TRERF1: variants seen among roughly 807,000 people sequenced by gnomAD.
The protein encoded by TRERF1 is transcriptional-regulating factor 1.
TRERF1 carries 27 observed loss-of-function variants against 122.9 expected under a neutral mutation model. That is an observed-to-expected ratio of 0.22 (90% CI 0.16 to 0.30). The LOEUF (loss-of-function observed/expected upper bound fraction) is 0.30, where lower values mean the gene tolerates loss of function less well. TRERF1 is among the 10% of genes least tolerant of loss of function. The pLI, the probability that TRERF1 is intolerant of heterozygous loss-of-function variation, is 1.00. For missense variants in TRERF1, 1,248 were observed against 1,560.3 expected, an observed-to-expected ratio of 0.80 and a Z score of 3.37; for synonymous variants, 636 against 641.7, an observed-to-expected ratio of 0.99 and a Z score of 0.13.
At chr6:42,254,405 C>T (rs1170364689) in intron 13 of TRERF1, among the ~76,000 whole-genome samples, 1 of 152,178 alleles carries the variant, frequency 6.6e-6, no homozygotes, top group Non-Finnish European at 1.5e-5. Flanking sequence ...CATATACCAT[C>T]TCTAATCTCA....
At chr6:42,243,153 G>C in intron 15 of TRERF1, 95 bp downstream of exon 15, 5 of 1,020,356 alleles carry the variant, frequency 4.9e-6, no homozygotes, top group Non-Finnish European at 7.6e-6. Context: ...TGGCTATCTT[G>C]GCAGCAAAGC....
rs760088251 is a variant in TRERF1 at position 42,263,573 on chromosome 6, A to G, written c.1636-5T>C. ...CAGGACCTTCTCTCCTTCCTCCTAC[A>G]CAGACAATAAAGGCTTTGATCCTGG... On this transcript the variant is annotated splice_region_variant and splice_polypyrimidine_tract_variant and intron_variant, in intron 7 of 17. Coordinates refer to ENST00000372922, the Ensembl canonical transcript of TRERF1. The surrounding 1 kb of genome is among the most constrained non-coding windows in gnomAD (Gnocchi z 5.6). The G allele has an allele frequency of 2.0e-6, 3 of 1,512,702 alleles. No individual in the cohort carries two copies. The highest frequency in any genetic ancestry group is 2.7e-6 in the Non-Finnish European group (3 of 1,130,064). 93.7% of individuals were successfully genotyped at this position (1,512,702 alleles called of 1,614,324 possible). A position where few individuals can be genotyped will look rare whatever the true frequency, so the allele number is the denominator to read the frequency against.
chr6:42,313,408 A>G (rs1331730215), intron 3 of TRERF1, among the ~76,000 whole-genome samples: 1 of 152,126 alleles, frequency 6.6e-6, no homozygotes, highest in Non-Finnish European at 1.5e-5. Flanking sequence ...CAGGAACTCA[A>G]TTGCTAAGCC....
At chr6:42,372,701 A>G (rs1178258194) in intron 2 of TRERF1, among the ~76,000 whole-genome samples, 2 of 152,190 alleles carry the variant, frequency 1.3e-5, no homozygotes, top group Non-Finnish European at 2.9e-5. Context: ...TGCCTAATAG[A>G]GAGATGGAGA....
chr6:42,401,350 C>A (rs1333939523), intron 2 of TRERF1, among the ~76,000 whole-genome samples: 2 of 152,204 alleles, frequency 1.3e-5, no homozygotes, highest in African/African-American at 4.8e-5. Context: ...ATTCACAACA[C>A]TTCTCATCAT....
chr6:42,236,094 A>C (rs1039462181), intron 16 of TRERF1, 111 bp downstream of exon 16: 1 of 1,448,234 alleles, frequency 6.9e-7, no homozygotes, highest in Non-Finnish European at 9.1e-7. Flanking sequence ...ACCCTCTGCC[A>C]AACTGTGACT....
chr6:42,315,432 G>A (rs1043568104), intron 3 of TRERF1, among the ~76,000 whole-genome samples: 1 of 152,196 alleles, frequency 6.6e-6, no homozygotes, highest in African/African-American at 2.4e-5. Flanking sequence ...CTGCTGGAGT[G>A]TGATCCTTAC....
In TRERF1 at chr6:42,240,977, C is replaced by A. The variant is rs557475442; in HGVS notation, c.2859+2271G>T. Among the ~76,000 whole-genome samples, 172 of 152,218 alleles carry A rather than the reference C, an allele frequency of 1.1e-3. 3 individuals are homozygous for A. The South Asian group carries it at 0.013, about 12-fold the overall frequency. ...GCGCAATCTCTGCTCACTGCAACCT[C>A]CACCTCCCGGGTTCAGGCAATTCTC... On this transcript the variant is annotated intron_variant, in intron 15 of 17. Coordinates refer to ENST00000372922, the Ensembl canonical transcript of TRERF1.
rs35410772 is a variant in TRERF1 at position 42,232,088 on chromosome 6, TA to T, written c.3278+592del. 6.6e-6 allele frequency among the ~76,000 whole-genome samples: 1 copy of T among 152,218 alleles called. No individual in the cohort carries two copies. The highest frequency in any genetic ancestry group is 1.5e-5 in the Non-Finnish European group (1 of 68,034). The stretch of plus-strand genomic sequence containing the variant: ...CTGTTGTTGTTTTTTAAATTATACC[TA>T]AAAGGGGAGGATAACAAATAGGTTT... On this transcript the variant is annotated intron_variant, in intron 17 of 17. Transcript: ENST00000372922. The surrounding 1 kb of genome is among the most constrained non-coding windows in gnomAD (Gnocchi z 4.5).
At position 42,275,535 on chromosome 6, in the gene TRERF1, G is replaced by A. The variant is rs1290034995; in HGVS notation, c.-258-5687C>T. Among the ~76,000 whole-genome samples the A allele has an allele frequency of 6.6e-6, 1 of 152,252 alleles. No individual in the cohort carries two copies. Among genetic ancestry groups the A allele is most frequent in the Non-Finnish European group, 1.5e-5 (1 of 68,048 alleles). ...ACACTGGCTGCCCAGTCACTGTGAT[G>A]TAGGGACAGCAGCCTGCCCATGTGG... On this transcript the variant is annotated intron_variant, in intron 4 of 17. Transcript: ENST00000372922. This position sits in a 1 kb window ranked among gnomAD's most constrained non-coding sequence, Gnocchi z 4.1.
At position 42,269,720 on chromosome 6, in the gene TRERF1, G is replaced by A; in HGVS notation, c.-130C>T. ...GCACTACTCCACGGCTGACATGTCT[G>A]TGAACGTGGCTGGAGCCAGGTGTTC... On this transcript the variant is annotated 5_prime_UTR_variant, in exon 5 of 18. Transcript: ENST00000372922. This position sits in a 1 kb window ranked among gnomAD's most constrained non-coding sequence, Gnocchi z 4.9. 6.9e-7 allele frequency: 1 copy of A among 1,451,926 alleles called. No individual in the cohort carries two copies. Among genetic ancestry groups the A allele is most frequent in the Non-Finnish European group, 9.0e-7 (1 of 1,108,192 alleles). 89.9% of individuals were successfully genotyped at this position (1,451,926 alleles called of 1,614,324 possible). A position where few individuals can be genotyped will look rare whatever the true frequency, so the allele number is the denominator to read the frequency against.
intron 3 of TRERF1, among the ~76,000 whole-genome samples, chr6:42,322,191 T>C (rs1475526765): frequency 1.3e-5 from 2 of 152,102 alleles, no homozygotes; most frequent in African/African-American, 4.8e-5. Flanking sequence ...CTATAAATAA[T>C]AATACAACTT....
At chr6:42,373,124 G>A (rs1429288374) in intron 2 of TRERF1, among the ~76,000 whole-genome samples, 2 of 152,250 alleles carry the variant, frequency 1.3e-5, no homozygotes, top group Admixed American at 1.3e-4. Flanking sequence ...TCTTGCTACA[G>A]TCAAAATACC....
intron 2 of TRERF1, among the ~76,000 whole-genome samples, chr6:42,390,577 T>C (rs1356428859): frequency 2.6e-5 from 4 of 152,216 alleles, no homozygotes; most frequent in Non-Finnish European, 5.9e-5. Flanking sequence ...CTGGTATCAC[T>C]GTAAGGTTTC....
chr6:42,361,533 T>C (rs1474918286), intron 3 of TRERF1, among the ~76,000 whole-genome samples: 1 of 152,226 alleles, frequency 6.6e-6, no homozygotes, highest in African/African-American at 2.4e-5. Context: ...ATGAGTGGCC[T>C]TGGGCAAATC....
chr6:42,429,176 C>T (rs1031424852), intron 2 of TRERF1, among the ~76,000 whole-genome samples: 20 of 152,242 alleles, frequency 1.3e-4, no homozygotes, highest in Non-Finnish European at 2.9e-4. Context: ...ATTCCTCCAG[C>T]TGAGCCATGC....
At chr6:42,305,806 C>G (rs1382010398) in intron 3 of TRERF1, among the ~76,000 whole-genome samples, 1 of 151,988 alleles carries the variant, frequency 6.6e-6, no homozygotes, top group Non-Finnish European at 1.5e-5. Flanking sequence ...ACAGGCTCTA[C>G]AGAGCATCTG....
chr6:42,236,999 G>C (rs1772390703), intron 15 of TRERF1, among the ~76,000 whole-genome samples: 1 of 152,238 alleles, frequency 6.6e-6, no homozygotes, highest in African/African-American at 2.4e-5. Flanking sequence ...AGAGAAAATG[G>C]AAGGGGAGAT....
At chr6:42,368,375 C>T (rs1773147398) in intron 2 of TRERF1, among the ~76,000 whole-genome samples, 1 of 152,120 alleles carries the variant, frequency 6.6e-6, no homozygotes, top group African/African-American at 2.4e-5. Context: ...ACAGCACCTC[C>T]CGCAGTGGTT....
Sources: gnomAD v4.1 joint callset for allele counts (sites outside exome capture counted in the v4.1 genomes callset) on GRCh38, gnomAD v4.1.1 for gene constraint, Gnocchi (gnomAD v3.1) non-coding constraint, MANE v1.5 for transcripts, NCBI Gene and HGNC (gene_info 2026-07-23, HGNC 2026-07-21) for gene names.